The following SUMF1 variants were observed in gnomAD, a reference collection of about 807,000 sequenced individuals.
SUMF1 encodes sulfatase modifying factor 1, also known as formylglycine-generating enzyme.
In SUMF1, 48 loss-of-function variants were observed where a neutral mutation model predicts 47.6. That is an observed-to-expected ratio of 1.01 (90% CI 0.80 to 1.28). The LOEUF is 1.28. SUMF1 is among the 50% of genes most tolerant of loss of function. The pLI, the probability that SUMF1 is intolerant of heterozygous loss-of-function variation, is 0.00. For missense variants in SUMF1, 571 were observed against 485.4 expected (o/e 1.18, Z -1.66); for synonymous variants, 230 against 192.1 (o/e 1.20, Z -1.63).
At chr3:4,375,544 A>G (rs1700301034) in intron 8 of SUMF1, among the ~76,000 whole-genome samples, 1 of 152,172 alleles carries the variant, frequency 6.6e-6, no homozygotes, top group Admixed American at 6.5e-5. Context: ...TAATGCCATC[A>G]TTATCAAATT....
intron 9 of SUMF1, among the ~76,000 whole-genome samples, chr3:4,056,145 G>T (rs935779613): frequency 2.6e-5 from 4 of 151,922 alleles, no homozygotes; most frequent in African/African-American, 9.7e-5. Context: ...CTCCTTTACC[G>T]TGTAACCTAA....
chr3:4,205,282 A>G (rs915686146), intron 8 of SUMF1, among the ~76,000 whole-genome samples: 1 of 152,106 alleles, frequency 6.6e-6, no homozygotes, highest in African/African-American at 2.4e-5. Flanking sequence ...CATTGCTCCA[A>G]ACTCCACCAC....
rs149749077 is a variant in SUMF1, at chr3:4,313,047, T to G, written c.1014+63283A>C. 60 of 1,613,760 alleles carry G rather than the reference T, an allele frequency of 3.7e-5. 1 individual carries two copies. The highest frequency in any genetic ancestry group is 4.5e-5 in the Non-Finnish European group (53 of 1,179,908). On this transcript the variant is annotated intron_variant and NMD_transcript_variant, in intron 8 of 12. Coordinates refer to the SUMF1 transcript ENST00000448413. ...AGAACTATGATGATAACTCATGCCT[T>G]AGAGATATAGGATCTGGAGGAAAGT...
intron 8 of SUMF1, among the ~76,000 whole-genome samples, chr3:4,244,051 G>T (rs1696604712): frequency 6.6e-6 from 1 of 152,122 alleles, no homozygotes; most frequent in African/African-American, 2.4e-5. Flanking sequence ...TTGTTTTAAA[G>T]TCTGTTTTAT....
rs748415732 is a variant in SUMF1 at position 4,200,931 on chromosome 3, CTAT to C, written c.1015-132189_1015-132187del. Among the ~76,000 whole-genome samples, 90 of 152,176 alleles carry C rather than the reference CTAT, an allele frequency of 5.9e-4. 2 individuals are homozygous for C. Among genetic ancestry groups the C allele is most frequent in the South Asian group, 1.0e-3 (5 of 4,814 alleles). On this transcript the variant is annotated intron_variant and NMD_transcript_variant, in intron 8 of 12. Transcript: ENST00000448413. ...TATTAGCTAATACCACATTGTCTTA[CTAT>C]AACTTTATAGTAAAGTTTTGAAAAC...
intron 8 of SUMF1, among the ~76,000 whole-genome samples, chr3:4,270,433 C>T (rs1697281028): frequency 6.6e-6 from 1 of 152,048 alleles, no homozygotes; most frequent in Non-Finnish European, 1.5e-5. Flanking sequence ...CTCTCACACA[C>T]ATACACGCAC....
chr3:4,151,412 T>C (rs1472777725), intron 8 of SUMF1, among the ~76,000 whole-genome samples: 2 of 143,380 alleles, frequency 1.4e-5, no homozygotes, highest in Non-Finnish European at 3.0e-5. Flanking sequence ...TATGTATATA[T>C]GTATATATGT....
chr3:4,405,934 A>G (rs1416921449), intron 7 of SUMF1, among the ~76,000 whole-genome samples: 1 of 152,198 alleles, frequency 6.6e-6, no homozygotes, highest in Non-Finnish European at 1.5e-5. Flanking sequence ...CATGGAGAGA[A>G]TGAGTATGTG....
At chr3:4,186,469 G>C (rs1229635245) in intron 8 of SUMF1, among the ~76,000 whole-genome samples, 1 of 152,078 alleles carries the variant, frequency 6.6e-6, no homozygotes, top group Non-Finnish European at 1.5e-5. Flanking sequence ...TCAAATATAT[G>C]TTGCTTGGTA....
intron 8 of SUMF1, among the ~76,000 whole-genome samples, chr3:4,111,228 T>C (rs902178854): frequency 2.6e-5 from 4 of 151,974 alleles, no homozygotes; most frequent in Non-Finnish European, 5.9e-5. Flanking sequence ...GCCCTCCATA[T>C]ACTGAGTTTC....
chr3:4,202,298 G>C lies in SUMF1; in HGVS notation c.1015-133553C>G, dbSNP rs149636514. 6.1e-3 allele frequency among the ~76,000 whole-genome samples: 929 copies of C among 151,956 alleles called. 5 individuals carry two copies. The highest frequency in any genetic ancestry group is 0.011 in the Admixed American group (164 of 15,244). On this transcript the variant is annotated intron_variant and NMD_transcript_variant, in intron 8 of 12. Transcript: ENST00000448413. ...TTTTTGTATATGGCAACAGATAGGG[G>C]TCTCATTTCATTTTTCTGCATATGC...
intron 8 of SUMF1, among the ~76,000 whole-genome samples, chr3:4,257,965 A>G (rs1174764920): frequency 1.3e-5 from 2 of 150,802 alleles, no homozygotes; most frequent in East Asian, 2.0e-4. Context: ...CCGCATGTCT[A>G]CAACTATCTG....
intron 8 of SUMF1, among the ~76,000 whole-genome samples, chr3:4,074,905 C>G (rs766771406): frequency 1.5e-4 from 23 of 152,084 alleles, no homozygotes; most frequent in Non-Finnish European, 2.6e-4. Flanking sequence ...AACCAAATTC[C>G]ACCAGACGTA....
intron 8 of SUMF1, among the ~76,000 whole-genome samples, chr3:4,148,877 C>T (rs1396622405): frequency 6.6e-6 from 1 of 152,086 alleles, no homozygotes; most frequent in Non-Finnish European, 1.5e-5. Context: ...ATCAACTGTG[C>T]GTTTACTTAC....
intron 9 of SUMF1, among the ~76,000 whole-genome samples, chr3:4,051,567 G>T (rs114570377): frequency 1.1e-3 from 165 of 152,262 alleles, no homozygotes; most frequent in African/African-American, 3.8e-3. Flanking sequence ...TGTTAAAGTT[G>T]TAACGTTTCT....
intron 8 of SUMF1, among the ~76,000 whole-genome samples, chr3:4,187,850 T>C (rs1316961033): frequency 1.3e-5 from 2 of 152,228 alleles, no homozygotes; most frequent in Non-Finnish European, 2.9e-5. Flanking sequence ...CAAAATAATG[T>C]TTTTAATTTA....
chr3:4,071,927 T>C (rs1328556026), intron 8 of SUMF1, among the ~76,000 whole-genome samples: 3 of 152,172 alleles, frequency 2.0e-5, no homozygotes, highest in Admixed American at 6.5e-5. Flanking sequence ...TCTCCCAGCA[T>C]GGCATTGGAG....
chr3:4,046,034 C>T (rs551999274), intron 9 of SUMF1, among the ~76,000 whole-genome samples: 1 of 151,972 alleles, frequency 6.6e-6, no homozygotes, highest in African/African-American at 2.4e-5. Context: ...CTGGGGGACA[C>T]AGCAAGAGCT....
intron 6 of SUMF1, 134 bp downstream of exon 6, chr3:4,416,994 A>G: frequency 1.3e-6 from 1 of 795,176 alleles, no homozygotes; most frequent in Non-Finnish European, 2.2e-6. Flanking sequence ...AGTATTTGCT[A>G]CGTGCAACAG....
Sources: gnomAD v4.1 joint callset for allele counts (sites outside exome capture counted in the v4.1 genomes callset) on GRCh38, gnomAD v4.1.1 for gene constraint, MANE v1.5 for transcripts, NCBI Gene and HGNC (gene_info 2026-07-23, HGNC 2026-07-21) for gene names.